CCDC30: variants seen among roughly 807,000 people sequenced by gnomAD.
CCDC30 encodes coiled-coil domain-containing protein 30.
A neutral mutation model predicts 100.2 loss-of-function variants in CCDC30; 70 were observed. The observed-to-expected ratio is 0.70, with a 90% CI of 0.58 to 0.85. CCDC30 has a LOEUF of 0.85. Ranked by LOEUF, CCDC30 falls within the 40% of genes least tolerant of loss-of-function variation. The probability of loss-of-function intolerance (pLI) is 0.00; values close to 1 mark genes in which losing one functional copy is unlikely to be tolerated. For missense variants in CCDC30, 652 were observed against 771.2 expected (o/e 0.85, Z 1.83); for synonymous variants, 233 against 269.5 (o/e 0.86, Z 1.33).
chr1:42,462,929 T>G (rs1643448796), upstream of CCDC30, among the ~76,000 whole-genome samples: 1 of 152,238 alleles, frequency 6.6e-6, no homozygotes, highest in Non-Finnish European at 1.5e-5. Context: ...AGCTAGCACT[T>G]CCTGCCCCTT....
intron 6 of CCDC30, among the ~76,000 whole-genome samples, chr1:42,550,806 C>A (rs1249011120): frequency 6.6e-6 from 1 of 152,108 alleles, no homozygotes; most frequent in East Asian, 1.9e-4. Flanking sequence ...TTATTTGAAT[C>A]CTTAGTATGT....
At chr1:42,516,610 TC>T (rs1259385888) in intron 6 of CCDC30, among the ~76,000 whole-genome samples, 4 of 151,798 alleles carry the variant, frequency 2.6e-5, no homozygotes, top group Non-Finnish European at 5.9e-5. Flanking sequence ...TTCCTTGGTT[TC>T]TCTCTTGCCT....
chr1:42,477,776 A>G (rs1042901241), intron 1 of CCDC30, among the ~76,000 whole-genome samples: 7 of 152,200 alleles, frequency 4.6e-5, no homozygotes, highest in African/African-American at 1.7e-4. Flanking sequence ...GGGAAGGCAC[A>G]GAATACTAGG....
intron 11 of CCDC30, among the ~76,000 whole-genome samples, chr1:42,614,664 G>A (rs1646690707): frequency 6.6e-6 from 1 of 151,842 alleles, no homozygotes; most frequent in African/African-American, 2.4e-5. Flanking sequence ...GTGCACATCT[G>A]TGGTCCCAGC....
chr1:42,581,409 C>T (rs375870892), exon 9 of CCDC30: 8 of 1,613,634 alleles, frequency 5.0e-6, no homozygotes, highest in Non-Finnish European at 6.8e-6. Flanking sequence ...GTCTGTCTCA[C>T]AGACACTTGT....
At chr1:42,471,626 G>T (rs904946349) in intron 1 of CCDC30, among the ~76,000 whole-genome samples, 2 of 152,132 alleles carry the variant, frequency 1.3e-5, no homozygotes, top group Non-Finnish European at 2.9e-5. Flanking sequence ...ACTGTATGAT[G>T]CTCAAAGACC....
chr1:42,583,278 A>G (rs1242690533), intron 9 of CCDC30, among the ~76,000 whole-genome samples: 1 of 152,202 alleles, frequency 6.6e-6, no homozygotes, highest in African/African-American at 2.4e-5. Flanking sequence ...GTTCTTGCTT[A>G]GTGTCCTTAT....
At chr1:42,469,889 TAGTAAC>T (rs1404724708) in intron 1 of CCDC30, among the ~76,000 whole-genome samples, 1 of 152,092 alleles carries the variant, frequency 6.6e-6, no homozygotes, top group African/African-American at 2.4e-5. Context: ...CTGAGTGAAA[TAGTAAC>T]AGAAACTAGC....
chr1:42,540,195 TGTA>T (rs1644984370), intron 6 of CCDC30, among the ~76,000 whole-genome samples: 1 of 152,132 alleles, frequency 6.6e-6, no homozygotes, highest in Non-Finnish European at 1.5e-5. Context: ...TTAACCTATG[TGTA>T]GTTATCCCAG....
intron 6 of CCDC30, among the ~76,000 whole-genome samples, chr1:42,543,648 T>C (rs16829623): frequency 0.14 from 20,713 of 152,202 alleles, 1,548 homozygotes; most frequent in East Asian, 0.18. Flanking sequence ...CTCAGTTCTA[T>C]GTCAGTGCCT....
intron 11 of CCDC30, among the ~76,000 whole-genome samples, chr1:42,611,785 T>G (rs373033413): frequency 6.6e-6 from 1 of 152,126 alleles, no homozygotes; most frequent in African/African-American, 2.4e-5. Flanking sequence ...CAAGTGATCC[T>G]CCCACCTCAG....
At chr1:42,627,867 C>A (rs1341916467) in intron 11 of CCDC30, among the ~76,000 whole-genome samples, 1 of 152,230 alleles carries the variant, frequency 6.6e-6, no homozygotes, top group Non-Finnish European at 1.5e-5. Context: ...GGAACTTCTG[C>A]TAGGGCAGTG....
intron 11 of CCDC30, 146 bp from the exon 16 acceptor site, chr1:42,637,091 A>G: frequency 1.6e-6 from 1 of 617,442 alleles, no homozygotes; most frequent in Non-Finnish European, 2.8e-6. Context: ...GAGGGCAAGA[A>G]GATGTGAGGC....
At chr1:42,542,447 C>G (rs1019434652) in intron 6 of CCDC30, among the ~76,000 whole-genome samples, 1 of 152,050 alleles carries the variant, frequency 6.6e-6, no homozygotes, top group African/African-American at 2.4e-5. Flanking sequence ...CTCACCTCCC[C>G]CTCCTGGCCT....
At chr1:42,602,396 G>A (rs1156610842) in intron 10 of CCDC30, among the ~76,000 whole-genome samples, 1 of 151,580 alleles carries the variant, frequency 6.6e-6, no homozygotes, top group Non-Finnish European at 1.5e-5. Context: ...CTCTAGCCAG[G>A]CTAACAAAAA....
chr1:42,490,318 G>A (rs1435037773), intron 4 of CCDC30, 89 bp downstream of exon 4: 1 of 548,620 alleles, frequency 1.8e-6, no homozygotes, highest in Non-Finnish European at 2.7e-6. Context: ...GGGAGGCTTG[G>A]GCCCAGGAGT....
chr1:42,457,501 C>T, the CCDC30 span: 3 of 664,270 alleles, frequency 4.5e-6, no homozygotes, highest in African/African-American at 3.6e-5. Context: ...TCATGGACCT[C>T]ACAATCTAGT....
At chr1:42,638,436 GTCC>G (rs1252955946) in intron 12 of CCDC30, among the ~76,000 whole-genome samples, 3 of 143,754 alleles carry the variant, frequency 2.1e-5, no homozygotes, top group Non-Finnish European at 3.2e-5. Context: ...GATTTTTGCA[GTCC>G]TCCTTTTTTT....
At chr1:42,621,762 C>T (rs574452601) in intron 11 of CCDC30, among the ~76,000 whole-genome samples, 4 of 152,116 alleles carry the variant, frequency 2.6e-5, no homozygotes, top group Admixed American at 1.3e-4. Context: ...CCGCCCGCCT[C>T]GGCCTCCCAA....
Sources: allele counts gnomAD v4.1 joint callset (sites outside exome capture counted in the v4.1 genomes callset), GRCh38; gene constraint gnomAD v4.1.1; transcripts MANE v1.5; gene names NCBI Gene and HGNC (gene_info 2026-07-23, HGNC 2026-07-21).